Variants in REEP3 observed in about 807,000 individuals in gnomAD.
The protein encoded by REEP3 is receptor accessory protein 3, also known as receptor expression-enhancing protein 3.
REEP3 carries 20 observed loss-of-function variants against 41.3 expected under a neutral mutation model. The ratio of observed to expected loss-of-function variants is 0.48; its 90% confidence interval spans 0.34 to 0.70. The LOEUF is 0.70. REEP3 is among the 30% of genes least tolerant of loss of function. The pLI is 0.01. For missense variants in REEP3, 271 were observed against 308.8 expected (o/e 0.88, Z 0.92); for synonymous variants, 104 against 101.8 (o/e 1.02, Z -0.13).
chr10:63,570,004 G>A (rs1955838567), intron 2 of REEP3, among the ~76,000 whole-genome samples: 1 of 151,962 alleles, frequency 6.6e-6, no homozygotes, highest in African/African-American at 2.4e-5. Flanking sequence ...TATAAATGAT[G>A]TGCATCAATT....
intron 1 of REEP3, among the ~76,000 whole-genome samples, chr10:63,564,074 G>C (rs1955772749): frequency 2.0e-5 from 3 of 152,082 alleles, no homozygotes; most frequent in Admixed American, 2.0e-4. Flanking sequence ...AAAGTATAAA[G>C]TTTAATTGAT....
Position 63,622,083 on chromosome 10 carries a change from A to G in REEP3, c.*1214A>G, listed in dbSNP as rs1350088207. ...TAGCTTGAACTGATAACTATGCATTATGAACCCTAAGTCAATATATTTTTG... is the reference window on the plus strand; with the variant it reads ...TAGCTTGAACTGATAACTATGCATTGTGAACCCTAAGTCAATATATTTTTG... On this transcript the variant is annotated 3_prime_UTR_variant, in exon 8 of 8. Coordinates refer to ENST00000373758, the MANE Select transcript of REEP3 (RefSeq NM_001001330.3). 1 of 152,230 alleles carries G rather than the reference A, an allele frequency of 6.6e-6. No homozygotes were observed. Among genetic ancestry groups the G allele is most frequent in the Non-Finnish European group, 1.5e-5 (1 of 68,040 alleles). The allele number at this position is 152,230 out of a possible 1,614,324, so 9.4% of individuals were successfully genotyped here.
chr10:63,530,412 T>C (rs918197486), intron 1 of REEP3, among the ~76,000 whole-genome samples: 4 of 152,186 alleles, frequency 2.6e-5, no homozygotes, highest in African/African-American at 9.7e-5. Flanking sequence ...ATAAGATACA[T>C]TGCTATTAGA....
intron 4 of REEP3, 26 bp from the exon 5 acceptor site, chr10:63,599,144 C>CT: frequency 8.4e-7 from 1 of 1,195,252 alleles, no homozygotes; most frequent in South Asian, 1.4e-5. Context: ...TTAAGTAAAA[C>CT]TAACATCTGT....
At chr10:63,552,978 A>C (rs1223168767) in intron 1 of REEP3, among the ~76,000 whole-genome samples, 2 of 152,248 alleles carry the variant, frequency 1.3e-5, no homozygotes, top group Non-Finnish European at 2.9e-5. Context: ...TGTCTTTGTC[A>C]GTTGACCATC....
At chr10:63,586,220 C>T (rs1001829487) in intron 2 of REEP3, among the ~76,000 whole-genome samples, 11 of 152,108 alleles carry the variant, frequency 7.2e-5, no homozygotes, top group African/African-American at 2.4e-4. Context: ...TATCACATGA[C>T]CGTCTGGATT....
intron 1 of REEP3, among the ~76,000 whole-genome samples, chr10:63,524,217 A>G (rs529254440): frequency 5.8e-4 from 89 of 152,222 alleles, no homozygotes; most frequent in Non-Finnish European, 8.5e-4. Context: ...GATCTACACA[A>G]ACTTGGAAAC....
intron 1 of REEP3, among the ~76,000 whole-genome samples, chr10:63,566,073 A>G (rs968444124): frequency 1.3e-5 from 2 of 151,982 alleles, no homozygotes; most frequent in Non-Finnish European, 2.9e-5. Flanking sequence ...TTTAGTAGAG[A>G]TGGGGTTTCA....
At chr10:63,587,758 C>T (rs1956021045) in intron 2 of REEP3, among the ~76,000 whole-genome samples, 1 of 152,170 alleles carries the variant, frequency 6.6e-6, no homozygotes, top group South Asian at 2.1e-4. Flanking sequence ...AAAAGCCTCA[C>T]CTCATATTCT....
chr10:63,603,686 C>A (rs915200751), intron 5 of REEP3, among the ~76,000 whole-genome samples: 2 of 152,122 alleles, frequency 1.3e-5, no homozygotes, highest in Non-Finnish European at 2.9e-5. Context: ...TCCATAACAT[C>A]CCTGTATGTA....
intron 1 of REEP3, among the ~76,000 whole-genome samples, chr10:63,540,254 A>G (rs1955516772): frequency 6.6e-6 from 1 of 152,224 alleles, no homozygotes; most frequent in African/African-American, 2.4e-5. Context: ...CAACTTGGAA[A>G]TGCAATTTAT....
At chr10:63,585,918 A>T (rs990609234) in intron 2 of REEP3, among the ~76,000 whole-genome samples, 1 of 152,156 alleles carries the variant, frequency 6.6e-6, no homozygotes, top group Non-Finnish European at 1.5e-5. Flanking sequence ...ATCATTTTAC[A>T]ATTGCAGCTT....
chr10:63,592,626 C>T (rs527780054), intron 2 of REEP3, among the ~76,000 whole-genome samples: 2 of 152,266 alleles, frequency 1.3e-5, no homozygotes, highest in East Asian at 3.9e-4. Context: ...CGCGGTGGCT[C>T]ATGCCTGTAA....
At chr10:63,579,809 G>A (rs1301478807) in intron 2 of REEP3, among the ~76,000 whole-genome samples, 3 of 152,142 alleles carry the variant, frequency 2.0e-5, no homozygotes, top group Non-Finnish European at 2.9e-5. Flanking sequence ...GTTGGAGGGA[G>A]GCCTAGCCAC....
chr10:63,540,968 A>G (rs1219910070), intron 1 of REEP3, among the ~76,000 whole-genome samples: 1 of 152,286 alleles, frequency 6.6e-6, no homozygotes, highest in East Asian at 1.9e-4. Flanking sequence ...TACTAATAAT[A>G]TGAAATTAGA....
intron 1 of REEP3, among the ~76,000 whole-genome samples, chr10:63,549,890 T>C (rs137908921): frequency 6.6e-6 from 1 of 151,856 alleles, no homozygotes; most frequent in Non-Finnish European, 1.5e-5. Flanking sequence ...AAGAGGCATA[T>C]TGAGGAAACC....
At chr10:63,608,706 C>CTT (rs895915109) in intron 5 of REEP3, among the ~76,000 whole-genome samples, 1 of 151,110 alleles carries the variant, frequency 6.6e-6, no homozygotes, top group Non-Finnish European at 1.5e-5. Flanking sequence ...ATTTTTTTTT[C>CTT]TTTTTTTGCT....
At chr10:63,565,311 CA>C (rs1030398153) in intron 1 of REEP3, among the ~76,000 whole-genome samples, 6 of 151,992 alleles carry the variant, frequency 3.9e-5, no homozygotes, top group African/African-American at 1.2e-4. Context: ...CATTTGAGGA[CA>C]AAAAACTTCT....
chr10:63,535,903 G>A (rs752932866), intron 1 of REEP3, among the ~76,000 whole-genome samples: 1 of 152,184 alleles, frequency 6.6e-6, no homozygotes, highest in Non-Finnish European at 1.5e-5. Flanking sequence ...AGAAAAGGTA[G>A]GAGAATATCA....
Sources: gnomAD v4.1 joint callset for allele counts (sites outside exome capture counted in the v4.1 genomes callset) on GRCh38, gnomAD v4.1.1 for gene constraint, MANE v1.5 for transcripts, NCBI Gene and HGNC (gene_info 2026-07-23, HGNC 2026-07-21) for gene names.